Variants in LRFN5 observed in about 807,000 individuals in gnomAD.
LRFN5 encodes the protein leucine-rich repeat and fibronectin type-III domain-containing protein 5.
A neutral mutation model predicts 45.6 loss-of-function variants in LRFN5; 24 were observed. The observed-to-expected ratio is 0.53, with a 90% confidence interval of 0.38 to 0.74. The LOEUF is 0.74. LRFN5 is among the 30% of genes least tolerant of loss of function. The probability of loss-of-function intolerance (pLI) is 0.00; values close to 1 mark genes in which losing one functional copy is unlikely to be tolerated. For synonymous variants in LRFN5, 340 were observed against 313.8 expected, an observed-to-expected ratio of 1.08 and a Z score of -0.88; for missense variants, 776 against 861.5, an observed-to-expected ratio of 0.90 and a Z score of 1.24.
At chr14:41,818,519 A>T (rs1301698048) in intron 2 of LRFN5, among the ~76,000 whole-genome samples, 2 of 151,922 alleles carry the variant, frequency 1.3e-5, no homozygotes, top group African/African-American at 4.8e-5. Flanking sequence ...ACACACACAC[A>T]TACACATCCC....
At chr14:41,750,154 A>G (rs1885070299) in intron 1 of LRFN5, among the ~76,000 whole-genome samples, 1 of 151,672 alleles carries the variant, frequency 6.6e-6, no homozygotes, top group South Asian at 2.1e-4. Context: ...TGGTCCCTAT[A>G]AATTAAATTT....
At chr14:41,903,380 TG>T (rs1345545892) in intron 5 of LRFN5, among the ~76,000 whole-genome samples, 2 of 151,406 alleles carry the variant, frequency 1.3e-5, no homozygotes, top group Non-Finnish European at 3.0e-5. Flanking sequence ...AAGATGCAGT[TG>T]TTTTTTAATG....
At chr14:41,868,217 T>C (rs1889903098) in intron 2 of LRFN5, among the ~76,000 whole-genome samples, 1 of 152,096 alleles carries the variant, frequency 6.6e-6, no homozygotes, top group African/African-American at 2.4e-5. Flanking sequence ...TTTTCTTTAC[T>C]TTTTTTGTAT....
rs1293447585 is a variant in LRFN5, at chr14:41,607,063, G to C, written c.-1696G>C. On this transcript the variant is annotated 5_prime_UTR_variant, in exon 1 of 6. Transcript: ENST00000298119. ...GACTCGCCCCAGCGCGGTGGCCAGCGGGCGGGGCGCTGTGTTCCGCGGCGC... is the reference window on the plus strand; with the variant it reads ...GACTCGCCCCAGCGCGGTGGCCAGCCGGCGGGGCGCTGTGTTCCGCGGCGC... Among the ~76,000 whole-genome samples, 1 of 152,164 alleles carries C rather than the reference G, an allele frequency of 6.6e-6. No homozygotes were observed. Among genetic ancestry groups the C allele is most frequent in the Non-Finnish European group, 1.5e-5 (1 of 68,010 alleles).
chr14:41,895,681 T>G (rs59280798), intron 4 of LRFN5, among the ~76,000 whole-genome samples: 1,754 of 149,436 alleles, frequency 0.012, 32 homozygotes, highest in African/African-American at 0.041. Flanking sequence ...ACAGTAACAC[T>G]CAAACTGTGG....
intron 2 of LRFN5, among the ~76,000 whole-genome samples, chr14:41,833,337 A>G (rs936048493): frequency 2.6e-5 from 4 of 152,198 alleles, no homozygotes; most frequent in Admixed American, 2.6e-4. Flanking sequence ...CAGAGAGGGC[A>G]CAAATTTCTT....
intron 2 of LRFN5, among the ~76,000 whole-genome samples, chr14:41,845,580 T>A (rs1331701778): frequency 6.6e-6 from 1 of 152,168 alleles, no homozygotes; most frequent in Non-Finnish European, 1.5e-5. Context: ...CAAGGTATTC[T>A]GTGATTTTAA....
At chr14:41,615,484 T>C (rs1248901489) in intron 1 of LRFN5, among the ~76,000 whole-genome samples, 1 of 152,172 alleles carries the variant, frequency 6.6e-6, no homozygotes, top group Non-Finnish European at 1.5e-5. Flanking sequence ...TGATTTCAAG[T>C]CCTTTTACCT....
At chr14:41,704,444 C>CTGTGTGTGTGTGTG (rs1406046125) in intron 1 of LRFN5, among the ~76,000 whole-genome samples, 51 of 127,854 alleles carry the variant, frequency 4.0e-4, no homozygotes, top group Admixed American at 7.9e-4. Context: ...CTCTCTCTCT[C>CTGTGTGTGTGTGTG]TCTCTGTGTG....
intron 1 of LRFN5, among the ~76,000 whole-genome samples, chr14:41,755,601 T>G (rs971159422): frequency 5.3e-5 from 8 of 152,186 alleles, no homozygotes; most frequent in African/African-American, 1.9e-4. Context: ...TGCCTTTTTT[T>G]GTTTTCCATT....
chr14:41,767,837 A>G (rs1055876237), intron 2 of LRFN5, among the ~76,000 whole-genome samples: 5 of 152,178 alleles, frequency 3.3e-5, no homozygotes, highest in African/African-American at 4.8e-5. Flanking sequence ...CGTCTCAGGA[A>G]AAGTTCGGAC....
chr14:41,873,734 CA>C (rs1890100370), intron 2 of LRFN5, among the ~76,000 whole-genome samples: 1 of 152,112 alleles, frequency 6.6e-6, no homozygotes, highest in East Asian at 1.9e-4. Context: ...AAGAATTTTC[CA>C]TATTTCTAGA....
rs751595979 is a variant in LRFN5, at chr14:41,834,892, C to T, written c.-20-51714C>T. ...TGCCCAGGCTGCTCTTGCACTTCTG[C>T]GCTCAAGCAATCCACCTACCTTAGC... On this transcript the variant is annotated intron_variant, in intron 2 of 5. Transcript: ENST00000298119. Among the ~76,000 whole-genome samples, 3 of 151,808 alleles carry T rather than the reference C, an allele frequency of 2.0e-5. No individual in the cohort carries two copies. The East Asian group carries it at 5.8e-4, about 29-fold the overall frequency.
At chr14:41,725,670 A>G (rs138625380) in intron 1 of LRFN5, among the ~76,000 whole-genome samples, 240 of 152,310 alleles carry the variant, frequency 1.6e-3, no homozygotes, top group African/African-American at 5.4e-3. Context: ...AAATTGCCAC[A>G]TATGTGTAAT....
chr14:41,686,136 T>C (rs1203415139), intron 1 of LRFN5, among the ~76,000 whole-genome samples: 1 of 152,128 alleles, frequency 6.6e-6, no homozygotes, highest in Non-Finnish European at 1.5e-5. Context: ...TCCGCTCTTA[T>C]TTCCTTGAGC....
Position 41,887,580 on chromosome 14 carries a change from C to T in LRFN5, c.955C>T (p.His319Tyr), listed in dbSNP as rs1347797825. ...KARGDPEPAI[H>Y]WISPEGKLIS... is the part of the protein sequence containing the mutation. ...CAGGGGAGACCCTGAGCCTGCAATT[C>T]ACTGGATTTCTCCTGAAGGGAAGCT... is the stretch of plus-strand genomic sequence containing the variant. The change falls in exon 3 of 6, where the codon CAC becomes TAC. Residue 319 changes from histidine to tyrosine, a missense_variant. Transcript: ENST00000298119. This position sits in a 1 kb window ranked among gnomAD's most constrained non-coding sequence, Gnocchi z 4.8. 1 of 1,614,086 alleles carries T rather than the reference C, an allele frequency of 6.2e-7. No homozygotes were observed. The highest frequency in any genetic ancestry group is 8.5e-7 in the Non-Finnish European group (1 of 1,180,046).
At chr14:41,812,032 A>T (rs1431560541) in intron 2 of LRFN5, among the ~76,000 whole-genome samples, 1 of 152,138 alleles carries the variant, frequency 6.6e-6, no homozygotes, top group East Asian at 1.9e-4. Context: ...TTAAAAAGTC[A>T]GCACAAAGCG....
At chr14:41,808,382 G>A (rs1349003383) in intron 2 of LRFN5, among the ~76,000 whole-genome samples, 1 of 97,572 alleles carries the variant, frequency 1.0e-5, no homozygotes, top group Non-Finnish European at 2.0e-5. Context: ...AGGGAAAGAA[G>A]GAAGGAAGGA....
chr14:41,717,441 T>TTTAAA (rs1883538081), intron 1 of LRFN5, among the ~76,000 whole-genome samples: 3 of 152,152 alleles, frequency 2.0e-5, no homozygotes, highest in African/African-American at 4.8e-5. Flanking sequence ...AACACGTAGT[T>TTTAAA]TTAAATTGCC....
Sources: allele counts gnomAD v4.1 joint callset (sites outside exome capture counted in the v4.1 genomes callset), GRCh38; gene constraint gnomAD v4.1.1; non-coding constraint Gnocchi (gnomAD v3.1); transcripts MANE v1.5; gene names NCBI Gene and HGNC (gene_info 2026-07-23, HGNC 2026-07-21).